The following KCNH1 variants were observed in gnomAD, a reference collection of about 807,000 sequenced individuals.
The protein encoded by KCNH1 is voltage-gated delayed rectifier potassium channel KCNH1.
A neutral mutation model predicts 69.2 loss-of-function variants in KCNH1; 27 were observed. The ratio of observed to expected loss-of-function variants is 0.39; its 90% CI spans 0.29 to 0.54. The LOEUF is 0.54. Among genes scored for constraint, KCNH1 ranks in the 20% least tolerant of loss-of-function variants. The pLI is 0.68. For missense variants in KCNH1, 798 were observed against 1,261.6 expected, an observed-to-expected ratio of 0.63 and a Z score of 5.57; for synonymous variants, 456 against 487.7, an observed-to-expected ratio of 0.93 and a Z score of 0.86.
At chr1:210,860,545 T>G in intron 7 of KCNH1, 1 of 858,134 alleles carries the variant, frequency 1.2e-6, no homozygotes, top group Non-Finnish European at 2.0e-6. Context: ...TTGTGTCATT[T>G]CTACTGCAAT....
At chr1:210,780,918 G>C (rs1683965957) in intron 9 of KCNH1, among the ~76,000 whole-genome samples, 1 of 152,106 alleles carries the variant, frequency 6.6e-6, no homozygotes, top group Non-Finnish European at 1.5e-5. Context: ...GTGGTGGCAG[G>C]TGCCTGTAGT....
chr1:211,009,179 C>A (rs912633005), intron 6 of KCNH1, among the ~76,000 whole-genome samples: 2 of 152,056 alleles, frequency 1.3e-5, no homozygotes, highest in Non-Finnish European at 2.9e-5. Context: ...TCTAACGTTG[C>A]CAACATGGAG....
chr1:211,016,262 T>C (rs1017912457), intron 6 of KCNH1, among the ~76,000 whole-genome samples: 2 of 152,014 alleles, frequency 1.3e-5, no homozygotes, highest in Non-Finnish European at 2.9e-5. Context: ...ATACAGTTGG[T>C]TTGGAACTCT....
intron 10 of KCNH1, among the ~76,000 whole-genome samples, chr1:210,761,797 G>T (rs1299513206): frequency 6.6e-6 from 1 of 152,072 alleles, no homozygotes; most frequent in African/African-American, 2.4e-5. Flanking sequence ...AAATAATAGT[G>T]GGGGACTTCA....
At chr1:211,065,771 T>A (rs1690518477) in intron 5 of KCNH1, among the ~76,000 whole-genome samples, 1 of 152,004 alleles carries the variant, frequency 6.6e-6, no homozygotes, top group Non-Finnish European at 1.5e-5. Flanking sequence ...ATTAAAAAAG[T>A]TTTTAAGGCC....
chr1:211,049,513 G>A (rs760048025), intron 5 of KCNH1, among the ~76,000 whole-genome samples: 8 of 152,148 alleles, frequency 5.3e-5, no homozygotes, highest in Non-Finnish European at 1.0e-4. Context: ...GTGTTTTGGG[G>A]GACTAGAGAG....
Position 210,920,089 on chromosome 1 carries a change from G to A in KCNH1, c.1033-20C>T, listed in dbSNP as rs1217262424. The A allele has an allele frequency of 1.2e-6, 2 of 1,605,002 alleles. No homozygotes were observed. The highest frequency in any genetic ancestry group is 1.7e-6 in the Non-Finnish European group (2 of 1,174,610). Reference sequence around the variant, plus strand: ...GATGCCCTGGGAGAAGAGGAACACAGCGTCAGGGCCAAAGAACCAAAGATA... The same window carrying A: ...GATGCCCTGGGAGAAGAGGAACACAACGTCAGGGCCAAAGAACCAAAGATA... On this transcript the variant is annotated intron_variant, in intron 6 of 10. Coordinates refer to ENST00000271751, the MANE Select transcript of KCNH1 (RefSeq NM_172362.3).
chr1:210,835,453 T>C (rs1263117730), intron 7 of KCNH1, among the ~76,000 whole-genome samples: 1 of 152,228 alleles, frequency 6.6e-6, no homozygotes, highest in Admixed American at 6.5e-5. Flanking sequence ...AAATATTTTA[T>C]CTAAATTATG....
At chr1:211,121,629 T>A (rs554119071) in intron 1 of KCNH1, among the ~76,000 whole-genome samples, 32 of 152,260 alleles carry the variant, frequency 2.1e-4, no homozygotes, top group Middle Eastern at 3.4e-3. Flanking sequence ...GGGCAAAGAC[T>A]TCATGACAAA....
intron 7 of KCNH1, among the ~76,000 whole-genome samples, chr1:210,902,634 T>C (rs893256897): frequency 3.9e-5 from 6 of 152,194 alleles, no homozygotes; most frequent in African/African-American, 1.4e-4. Context: ...TAAAATGCCA[T>C]TATCTACCTG....
At chr1:210,980,836 T>C (rs1464724621) in intron 6 of KCNH1, among the ~76,000 whole-genome samples, 1 of 152,094 alleles carries the variant, frequency 6.6e-6, no homozygotes, top group Admixed American at 6.6e-5. Flanking sequence ...TGTGTGTGTG[T>C]GTGTGTGTGC....
At chr1:210,948,123 C>T (rs1407126638) in intron 6 of KCNH1, among the ~76,000 whole-genome samples, 4 of 148,854 alleles carry the variant, frequency 2.7e-5, no homozygotes, top group East Asian at 2.0e-4. Flanking sequence ...GAGGCTGAGA[C>T]GGGAGGATCA....
chr1:211,081,604 T>C (rs1690861294), intron 5 of KCNH1, among the ~76,000 whole-genome samples: 1 of 152,104 alleles, frequency 6.6e-6, no homozygotes, highest in African/African-American at 2.4e-5. Context: ...ATTAAGAAAA[T>C]GTGGCACATA....
Position 210,919,519 on chromosome 1 carries a change from TAA to T in KCNH1, c.1462+119_1462+120del. 1 of 994,640 alleles carries T rather than the reference TAA, an allele frequency of 1.0e-6. No homozygotes were observed. The highest frequency in any genetic ancestry group is 1.5e-6 in the Non-Finnish European group (1 of 663,906). The allele number at this position is 994,640 out of a possible 1,614,324, so 61.6% of individuals were successfully genotyped here. On this transcript the variant is annotated intron_variant, in intron 7 of 10. Coordinates refer to ENST00000271751, the MANE Select transcript of KCNH1 (RefSeq NM_172362.3). This position sits in a 1 kb window ranked among gnomAD's most constrained non-coding sequence, Gnocchi z 4.2. ...ATCAGGGTAACTGTAAGCCTAGTCTTAAAAAAACTCTTCCTTGTTTTAAGTTA... is the reference window on the plus strand; with the variant it reads ...ATCAGGGTAACTGTAAGCCTAGTCTTAAAAACTCTTCCTTGTTTTAAGTTA...
chr1:210,916,918 C>T (rs1049570650), intron 7 of KCNH1, among the ~76,000 whole-genome samples: 6 of 152,042 alleles, frequency 3.9e-5, no homozygotes, highest in Admixed American at 3.9e-4. Context: ...GAGGCTGAGG[C>T]AGGTGGATCA....
intron 6 of KCNH1, among the ~76,000 whole-genome samples, chr1:210,988,039 G>A (rs1165052147): frequency 6.6e-6 from 1 of 152,216 alleles, no homozygotes; most frequent in Non-Finnish European, 1.5e-5. Flanking sequence ...AGACTGCTGT[G>A]CTAGTAATGA....
intron 6 of KCNH1, among the ~76,000 whole-genome samples, chr1:210,985,084 G>A (rs150227787): frequency 2.0e-5 from 3 of 152,132 alleles, no homozygotes; most frequent in African/African-American, 7.2e-5. Flanking sequence ...GATGTTTCTA[G>A]TATTCTCTGA....
chr1:211,059,733 A>G (rs1454181646), intron 5 of KCNH1, among the ~76,000 whole-genome samples: 1 of 151,702 alleles, frequency 6.6e-6, no homozygotes, highest in African/African-American at 2.4e-5. Context: ...ACAGAGCGAG[A>G]CTCCATCTCA....
At chr1:210,798,057 T>TA (rs34523163) in intron 8 of KCNH1, among the ~76,000 whole-genome samples, 1 of 147,932 alleles carries the variant, frequency 6.8e-6, no homozygotes, top group Non-Finnish European at 1.5e-5. Flanking sequence ...TTTTTTTTTT[T>TA]AAGACAGAGT....
Sources: allele counts gnomAD v4.1 joint callset (sites outside exome capture counted in the v4.1 genomes callset), GRCh38; gene constraint gnomAD v4.1.1; non-coding constraint Gnocchi (gnomAD v3.1); transcripts MANE v1.5; gene names NCBI Gene and HGNC (gene_info 2026-07-23, HGNC 2026-07-21).